RCL1: variants seen among roughly 807,000 people sequenced by gnomAD.
RCL1 encodes RNA terminal phosphate cyclase like 1, also known as RNA 3'-terminal phosphate cyclase-like protein.
RCL1 carries 24 observed loss-of-function variants against 42.4 expected under a neutral mutation model. The ratio of observed to expected loss-of-function variants is 0.57; its 90% confidence interval spans 0.41 to 0.80. The LOEUF (loss-of-function observed/expected upper bound fraction) is 0.80, where lower values mean the gene tolerates loss of function less well. Among genes scored for constraint, RCL1 ranks in the 30% least tolerant of loss-of-function variants. The probability of loss-of-function intolerance (pLI) is 0.00; values close to 1 mark genes in which losing one functional copy is unlikely to be tolerated. For synonymous variants in RCL1, 228 were observed against 177.3 expected, an observed-to-expected ratio of 1.29 and a Z score of -2.27; for missense variants, 578 against 467.9, an observed-to-expected ratio of 1.24 and a Z score of -2.17.
At chr9:4,851,170 T>C (rs919557680) in intron 8 of RCL1, among the ~76,000 whole-genome samples, 2 of 152,116 alleles carry the variant, frequency 1.3e-5, no homozygotes, top group African/African-American at 4.8e-5. Context: ...CACCAAACAT[T>C]AATTGTAGTG....
intron 1 of RCL1, among the ~76,000 whole-genome samples, chr9:4,811,369 T>G (rs909539926): frequency 2.6e-5 from 4 of 152,136 alleles, no homozygotes; most frequent in African/African-American, 9.7e-5. Flanking sequence ...AGAACTTATT[T>G]CTCTTATCTA....
intron 7 of RCL1, 89 bp from the exon 8 acceptor site, chr9:4,849,358 T>G (rs1474013943): frequency 1.0e-5 from 9 of 886,716 alleles, no homozygotes; most frequent in African/African-American, 1.7e-5. Flanking sequence ...TTTGATATTA[T>G]GAGTGTATGT....
At position 4,811,083 on chromosome 9, in the gene RCL1, A is replaced by G. The variant is rs555015655; in HGVS notation, c.137-12465A>G. 1.6e-3 allele frequency among the ~76,000 whole-genome samples: 245 copies of G among 152,234 alleles called. 1 individual carries two copies. Among genetic ancestry groups the G allele is most frequent in the Admixed American group, 3.7e-3 (56 of 15,288 alleles). ...TTCTAGCTATTTGAAAATATACACC[A>G]GCCTGGGCAACATAGCAGACCCCAT... On this transcript the variant is annotated intron_variant, in intron 1 of 8. Transcript: ENST00000381750.
chr9:4,819,507 A>T (rs996914797), intron 1 of RCL1, among the ~76,000 whole-genome samples: 2 of 152,214 alleles, frequency 1.3e-5, no homozygotes, highest in African/African-American at 4.8e-5. Flanking sequence ...ATCAATGTAC[A>T]CTATCTGGTG....
intron 2 of RCL1, 134 bp from the exon 3 acceptor site, chr9:4,826,724 C>G (rs771317849): frequency 2.7e-6 from 2 of 743,378 alleles, no homozygotes; most frequent in Non-Finnish European, 4.5e-6. Context: ...AGTGTGGGCT[C>G]TTAGCAAGAT....
rs34756856 is a variant in RCL1, at chr9:4,802,074, A to ATTTTTTTTT, written c.136+8862_136+8870dup. ...TAGGTGTGTGCCACCACGCCTGGCT[A>ATTTTTTTTT]TTTTTTTTTTTTTTTTTTTTTTTGT... is the stretch of plus-strand genomic sequence containing the variant. On this transcript the variant is annotated intron_variant, in intron 1 of 8. Coordinates refer to ENST00000381750, the MANE Select transcript of RCL1 (RefSeq NM_005772.5). Among the ~76,000 whole-genome samples the ATTTTTTTTT allele has an allele frequency of 2.2e-3, 211 of 95,342 alleles. 1 individual carries two copies. Among genetic ancestry groups the ATTTTTTTTT allele is most frequent in the Non-Finnish European group, 2.7e-3 (131 of 47,936 alleles). The allele number at this position is 95,342 out of a possible 152,430, so 62.5% of individuals were successfully genotyped here.
chr9:4,800,519 T>G (rs1842982746), intron 1 of RCL1, among the ~76,000 whole-genome samples: 1 of 151,282 alleles, frequency 6.6e-6, no homozygotes, highest in Non-Finnish European at 1.5e-5. Flanking sequence ...CCAGCCAGGT[T>G]TTTTTATTTT....
intron 3 of RCL1, among the ~76,000 whole-genome samples, chr9:4,827,731 A>AGTGTGT (rs71326142): frequency 0.024 from 3,587 of 147,522 alleles, 77 homozygotes; most frequent in African/African-American, 0.049. Flanking sequence ...TCTAGGATGA[A>AGTGTGT]GTGTGTGTGT....
chr9:4,807,762 GC>G (rs1347159464), intron 1 of RCL1, among the ~76,000 whole-genome samples: 3 of 152,078 alleles, frequency 2.0e-5, no homozygotes, highest in Non-Finnish European at 4.4e-5. Flanking sequence ...CAGGTGATCC[GC>G]CTGCCTGAGC....
At chr9:4,824,726 A>G (rs964638371) in intron 2 of RCL1, among the ~76,000 whole-genome samples, 2 of 152,188 alleles carry the variant, frequency 1.3e-5, no homozygotes, top group African/African-American at 2.4e-5. Flanking sequence ...CCTATACCAC[A>G]TGAGATATTC....
rs1816029016 is a variant in RCL1, at chr9:4,807,737, T to C, written c.136+14510T>C. 1.3e-5 allele frequency among the ~76,000 whole-genome samples: 2 copies of C among 152,312 alleles called. 1 individual carries two copies. Among genetic ancestry groups the C allele is most frequent in the South Asian group, 4.1e-4 (2 of 4,824 alleles). On this transcript the variant is annotated intron_variant, in intron 1 of 8. Coordinates refer to ENST00000381750, the MANE Select transcript of RCL1 (RefSeq NM_005772.5). ...TTTCTCCGTGTTGGTCAGGTTGGCC[T>C]CAAACTCCTGACCTCAGGTGATCCG...
chr9:4,812,153 C>T (rs1383515787), intron 1 of RCL1, among the ~76,000 whole-genome samples: 2 of 152,112 alleles, frequency 1.3e-5, no homozygotes, highest in Non-Finnish European at 2.9e-5. Flanking sequence ...CCAATGGTTT[C>T]CTTTGCTGTG....
chr9:4,799,463 A>G, intron 1 of RCL1, among the ~76,000 whole-genome samples: 1 of 152,218 alleles, frequency 6.6e-6, no homozygotes, highest in East Asian at 1.9e-4. Context: ...TAGGATATTG[A>G]CATTGATACA....
chr9:4,857,791 T>C (rs1311095429), intron 8 of RCL1, among the ~76,000 whole-genome samples: 1 of 152,196 alleles, frequency 6.6e-6, no homozygotes, highest in Admixed American at 6.5e-5. Context: ...TGTATGTCTT[T>C]TTATTATAGC....
chr9:4,850,404 T>A, intron 8 of RCL1: 1 of 516,436 alleles, frequency 1.9e-6, no homozygotes. Flanking sequence ...GGTTGAGGAC[T>A]GCGGTGGGGC....
chr9:4,809,991 A>G (rs150622983), intron 1 of RCL1, among the ~76,000 whole-genome samples: 1,663 of 151,758 alleles, frequency 0.011, 33 homozygotes, highest in African/African-American at 0.038. Context: ...TAATTTTTGT[A>G]TTTTTGGTAG....
intron 1 of RCL1, among the ~76,000 whole-genome samples, chr9:4,821,273 G>C (rs76742217): frequency 6.6e-6 from 1 of 152,116 alleles, no homozygotes; most frequent in Non-Finnish European, 1.5e-5. Flanking sequence ...GAGAGAGAGA[G>C]AGCATGGACT....
At chr9:4,855,204 C>T (rs891153564) in intron 8 of RCL1, among the ~76,000 whole-genome samples, 2 of 152,158 alleles carry the variant, frequency 1.3e-5, no homozygotes, top group African/African-American at 4.8e-5. Flanking sequence ...AAAAAAGCCT[C>T]ACTGCAGATA....
chr9:4,808,592 A>T (rs1587698520), intron 1 of RCL1, among the ~76,000 whole-genome samples: 1 of 152,212 alleles, frequency 6.6e-6, no homozygotes, highest in African/African-American at 2.4e-5. Flanking sequence ...TATAGGCGTG[A>T]ACCACTGTCT....
Sources: gnomAD v4.1 joint callset for allele counts (sites outside exome capture counted in the v4.1 genomes callset) on GRCh38, gnomAD v4.1.1 for gene constraint, MANE v1.5 for transcripts, NCBI Gene and HGNC (gene_info 2026-07-23, HGNC 2026-07-21) for gene names.